The following RBX1 variants were observed in gnomAD, a reference collection of about 807,000 sequenced individuals.
RBX1 encodes the protein ring-box 1.
For missense variants in RBX1, 46 were observed against 141.4 expected (o/e 0.33, Z 3.42); for synonymous variants, 48 against 47.9 (o/e 1.00, Z -0.01).
intron 2 of RBX1, among the ~76,000 whole-genome samples, chr22:40,962,024 T>C (rs908626827): frequency 1.1e-4 from 16 of 152,032 alleles, no homozygotes; most frequent in Admixed American, 5.9e-4. Flanking sequence ...CATCAAGTGA[T>C]CCGTCACCCT....
intron 4 of RBX1, among the ~76,000 whole-genome samples, chr22:40,970,448 A>C (rs2058366208): frequency 6.6e-6 from 1 of 152,098 alleles, no homozygotes. Context: ...CCCTCCAAAC[A>C]GTGAAGCAGA....
At chr22:40,953,501 G>GT in intron 1 of RBX1, 54 bp from the exon 2 acceptor site, 1 of 1,185,992 alleles carries the variant, frequency 8.4e-7, no homozygotes, top group Non-Finnish European at 1.3e-6. Context: ...GTCCTAAAGA[G>GT]TATGTGTGTG....
At chr22:40,964,462 AAGACC>A (rs1383843620) in intron 3 of RBX1, 6 of 213,102 alleles carry the variant, frequency 2.8e-5, no homozygotes, top group Admixed American at 1.1e-4. Flanking sequence ...GGCTTTTTTA[AAGACC>A]AGGTGTCTAA....
At chr22:40,955,471 C>T (rs1776817102) in intron 2 of RBX1, among the ~76,000 whole-genome samples, 1 of 151,814 alleles carries the variant, frequency 6.6e-6, no homozygotes, top group South Asian at 2.1e-4. Flanking sequence ...TTTTATTTAA[C>T]CTTATATAGT....
chr22:40,955,735 G>T (rs954613354), intron 2 of RBX1, among the ~76,000 whole-genome samples: 1 of 152,154 alleles, frequency 6.6e-6, no homozygotes, highest in Admixed American at 6.6e-5. Flanking sequence ...TGAAAAGCAC[G>T]AATCAAATAT....
intron 4 of RBX1, among the ~76,000 whole-genome samples, chr22:40,969,274 C>T (rs979109740): frequency 6.6e-6 from 1 of 152,106 alleles, no homozygotes; most frequent in African/African-American, 2.4e-5. Context: ...ATCGCACCAT[C>T]GCACTCCAAC....
At chr22:40,952,075 T>A (rs1210168528) in intron 1 of RBX1, among the ~76,000 whole-genome samples, 1 of 152,096 alleles carries the variant, frequency 6.6e-6, no homozygotes, top group African/African-American at 2.4e-5. Flanking sequence ...GTCTGTTGGC[T>A]TTTCACACAA....
chr22:40,964,494 G>A (rs959294086), intron 3 of RBX1: 4 of 193,828 alleles, frequency 2.1e-5, no homozygotes, highest in African/African-American at 9.5e-5. Flanking sequence ...TAAGTTTGAT[G>A]AGTAAATTGA....
At chr22:40,962,495 C>CTTT (rs767224631) in intron 2 of RBX1, among the ~76,000 whole-genome samples, 7 of 132,602 alleles carry the variant, frequency 5.3e-5, no homozygotes, top group East Asian at 2.1e-4. Context: ...AATAGTTTTA[C>CTTT]TTTTTTTTTT....
intron 2 of RBX1, among the ~76,000 whole-genome samples, chr22:40,954,156 C>G (rs1400667427): frequency 6.6e-6 from 1 of 151,802 alleles, no homozygotes; most frequent in Middle Eastern, 3.2e-3. Flanking sequence ...GTAATCCCAG[C>G]TACTTGGCAG....
At position 40,964,071 on chromosome 22, in the gene RBX1, C is replaced by T; in HGVS notation, c.182C>T (p.Ala61Val). 3 of 1,614,002 alleles carry T rather than the reference C, an allele frequency of 1.9e-6. No individual in the cohort carries two copies. The highest frequency in any genetic ancestry group is 8.5e-7 in the Non-Finnish European group (1 of 1,179,884). Reference sequence around the variant, plus strand: ...GGCATAGAATGTCAAGCTAACCAGGCGTCCGCTACTTCAGAAGAGTGTACT... The same window carrying T: ...GGCATAGAATGTCAAGCTAACCAGGTGTCCGCTACTTCAGAAGAGTGTACT... Reference protein sequence around the residue: ...DLCIECQANQASATSEECTVA... With the variant: ...DLCIECQANQVSATSEECTVA... Residue 61 changes from alanine to valine, a missense_variant, in exon 3 of 5, where the codon GCG becomes GTG. By Grantham distance (64) the Ala-to-Val change is moderately conservative. Coordinates refer to ENST00000216225, the MANE Select transcript of RBX1 (RefSeq NM_014248.4).
At position 40,972,504 on chromosome 22, in the gene RBX1, A is replaced by G; in HGVS notation, c.*16A>G. The stretch of plus-strand genomic sequence containing the variant: ...TGGGCACTAGGAAAAGACTTCTTCC[A>G]TCAAGCTTAATTGTTTTGTTATTCA... On this transcript the variant is annotated 3_prime_UTR_variant, in exon 5 of 5. Transcript: ENST00000216225. The G allele has an allele frequency of 6.3e-7, 1 of 1,592,928 alleles. No individual in the cohort carries two copies. Among genetic ancestry groups the G allele is most frequent in the Non-Finnish European group, 8.6e-7 (1 of 1,160,820 alleles).
chr22:40,967,632 G>A (rs928035606), intron 3 of RBX1, 167 bp from the exon 4 acceptor site: 1 of 550,132 alleles, frequency 1.8e-6, no homozygotes, highest in Non-Finnish European at 3.2e-6. Context: ...AAATACCCTT[G>A]CATCTAACCA....
At chr22:40,959,945 C>T (rs1446028254) in intron 2 of RBX1, among the ~76,000 whole-genome samples, 1 of 151,962 alleles carries the variant, frequency 6.6e-6, no homozygotes, top group Non-Finnish European at 1.5e-5. Context: ...GGTGAAACCC[C>T]GTCTCTACTA....
intron 2 of RBX1, among the ~76,000 whole-genome samples, chr22:40,956,667 C>T (rs1398000587): frequency 6.6e-6 from 1 of 151,864 alleles, no homozygotes; most frequent in Non-Finnish European, 1.5e-5. Flanking sequence ...AAAAAACCAC[C>T]CCCCTTGGCC....
At chr22:40,968,163 T>C (rs2058359242) in intron 4 of RBX1, among the ~76,000 whole-genome samples, 1 of 148,522 alleles carries the variant, frequency 6.7e-6, no homozygotes. Context: ...CTATCTTGGC[T>C]CACTGCAACG....
chr22:40,953,769 G>C, intron 2 of RBX1, 136 bp downstream of exon 2: 1 of 628,024 alleles, frequency 1.6e-6, no homozygotes, highest in Non-Finnish European at 3.0e-6. Flanking sequence ...TATCTAGTCT[G>C]TTGGTGTGTT....
chr22:40,966,906 A>G (rs558799606), intron 3 of RBX1: 1 of 152,328 alleles, frequency 6.6e-6, no homozygotes, highest in South Asian at 2.1e-4. Flanking sequence ...AGAAGTGCTC[A>G]TTGCAGAAGC....
chr22:40,961,852 T>G (rs531809186), intron 2 of RBX1, among the ~76,000 whole-genome samples: 1 of 151,458 alleles, frequency 6.6e-6, no homozygotes, highest in Non-Finnish European at 1.5e-5. Flanking sequence ...TGGTGTGATC[T>G]CGGCTCACTG....
Sources: allele counts gnomAD v4.1 joint callset (sites outside exome capture counted in the v4.1 genomes callset), GRCh38; gene constraint gnomAD v4.1.1; transcripts MANE v1.5; gene names NCBI Gene and HGNC (gene_info 2026-07-23, HGNC 2026-07-21).